COTL1: variants seen among roughly 807,000 people sequenced by gnomAD.
The protein encoded by COTL1 is coactosin like F-actin binding protein 1.
COTL1 carries 15 observed loss-of-function variants against 16.5 expected under a neutral mutation model. The observed-to-expected ratio is 0.91, with a 90% CI of 0.61 to 1.40. The LOEUF (loss-of-function observed/expected upper bound fraction) is 1.40. Among genes scored for constraint, COTL1 ranks in the 40% most tolerant of loss-of-function variants. The probability of loss-of-function intolerance (pLI) is 0.00; values close to 1 mark genes in which losing one functional copy is unlikely to be tolerated. For synonymous variants in COTL1, 112 were observed against 85.3 expected (o/e 1.31, Z -1.73); for missense variants, 220 against 201.5 (o/e 1.09, Z -0.56).
At chr16:84,586,028 C>A (rs2967854) in intron 3 of COTL1, among the ~76,000 whole-genome samples, 9,636 of 152,244 alleles carry the variant, frequency 0.063, 359 homozygotes, top group Middle Eastern at 0.099. Flanking sequence ...GCACGTGACC[C>A]AAGCTGGGCC....
Position 84,566,082 on chromosome 16 carries a change from C to T in COTL1, c.*763G>A, listed in dbSNP as rs1053705978. The T allele has an allele frequency of 6.5e-6, 1 of 152,726 alleles. No individual in the cohort carries two copies. 9.5% of individuals were successfully genotyped at this position (152,726 alleles called of 1,614,324 possible). A position where few individuals can be genotyped will look rare whatever the true frequency, so the allele number is the denominator to read the frequency against. ...GTCAACTCTGGGCTCAGACCTTTGC[C>T]CTTCTCTGTGTCACAAGGAAATTTC... On this transcript the variant is annotated 3_prime_UTR_variant, in exon 4 of 4. Coordinates refer to ENST00000262428, the MANE Select transcript of COTL1 (RefSeq NM_021149.5).
chr16:84,598,528 T>TA (rs2150691317), intron 2 of COTL1, among the ~76,000 whole-genome samples: 1 of 152,228 alleles, frequency 6.6e-6, no homozygotes, highest in Non-Finnish European at 1.5e-5. Flanking sequence ...TGGTGGCTGT[T>TA]ACATGCTCTT....
chr16:84,580,522 A>C (rs1197650019), intron 3 of COTL1, among the ~76,000 whole-genome samples: 1 of 152,188 alleles, frequency 6.6e-6, no homozygotes, highest in African/African-American at 2.4e-5. Context: ...AAGGGCTCTT[A>C]ACCTCTTTAG....
intron 3 of COTL1, among the ~76,000 whole-genome samples, chr16:84,586,746 G>T (rs1284317660): frequency 2.0e-5 from 3 of 151,996 alleles, no homozygotes; most frequent in Non-Finnish European, 4.4e-5. Flanking sequence ...CACCATGCCT[G>T]GCTACTTTTT....
Position 84,590,307 on chromosome 16 carries a change from C to T in COTL1, c.161-45G>A. 1.3e-6 allele frequency: 2 copies of T among 1,596,416 alleles called. No individual in the cohort carries two copies. The highest frequency in any genetic ancestry group is 2.2e-5 in the East Asian group (1 of 44,600). On this transcript the variant is annotated intron_variant, in intron 2 of 3. Transcript: ENST00000262428. This position sits in a 1 kb window ranked among gnomAD's most constrained non-coding sequence, Gnocchi z 5.5. ...GAGAACATGGTGCTGCGTTAAAACA[C>T]CCCCATGTCATGTCCCTGGGGAGAG...
chr16:84,586,509 A>C (rs980785803), intron 3 of COTL1, among the ~76,000 whole-genome samples: 7 of 152,242 alleles, frequency 4.6e-5, no homozygotes, highest in Admixed American at 3.3e-4. Flanking sequence ...GACAGCAGTG[A>C]TGGCTACACA....
intron 3 of COTL1, chr16:84,576,215 G>T (rs146470298): frequency 6.6e-6 from 1 of 152,248 alleles, no homozygotes; most frequent in Non-Finnish European, 1.5e-5. Flanking sequence ...GGCCTGTCGG[G>T]GTACAAGTGT....
In COTL1 at chr16:84,566,874, C is replaced by T. The variant is rs1395205779; in HGVS notation, c.400G>A (p.Gly134Arg). 4 of 1,613,718 alleles carry T rather than the reference C, an allele frequency of 2.5e-6. No homozygotes were observed. Among genetic ancestry groups the T allele is most frequent in the South Asian group, 1.1e-5 (1 of 91,070 alleles). The change falls in exon 4 of 4, where the codon GGA becomes AGA. Residue 134 changes from glycine to arginine, a missense_variant. Physicochemically the swap from Gly to Arg is moderately radical, Grantham distance 125. Transcript: ENST00000262428. The stretch of plus-strand genomic sequence containing the variant: ...TCCGTCTGGGCGTCGTAATTGGCTC[C>T]CCCCGCCTTCTTCAGCTCGCTCTTG... ...FIKSELKKAG[G>R]ANYDAQTE
At chr16:84,616,966 C>A (rs1905502517) in intron 2 of COTL1, among the ~76,000 whole-genome samples, 1 of 152,288 alleles carries the variant, frequency 6.6e-6, no homozygotes, top group African/African-American at 2.4e-5. Flanking sequence ...AGATTAGTTT[C>A]GCCTTGTCTA....
intron 3 of COTL1, among the ~76,000 whole-genome samples, chr16:84,569,833 C>A (rs2150679113): frequency 6.6e-6 from 1 of 152,322 alleles, no homozygotes; most frequent in South Asian, 2.1e-4. Context: ...GGGCAGAGAG[C>A]TTTCAGAAGG....
At chr16:84,617,692 C>T in intron 1 of COTL1, 109 bp from the exon 2 acceptor site, 1 of 1,388,870 alleles carries the variant, frequency 7.2e-7, no homozygotes. Context: ...CGGAGAAGCC[C>T]GCGGGGGCCT....
chr16:84,589,720 A>G (rs1904814658), intron 3 of COTL1, among the ~76,000 whole-genome samples: 2 of 152,122 alleles, frequency 1.3e-5, no homozygotes, highest in Non-Finnish European at 2.9e-5. Context: ...AGAGGGTACA[A>G]ATGAATTCTC....
intron 2 of COTL1, among the ~76,000 whole-genome samples, chr16:84,615,573 G>A (rs896318709): frequency 6.6e-6 from 1 of 152,202 alleles, no homozygotes; most frequent in African/African-American, 2.4e-5. Context: ...TTTAGGGAGG[G>A]AAGCTGGTCT....
chr16:84,593,073 A>G (rs1273182571), intron 2 of COTL1, among the ~76,000 whole-genome samples: 2 of 152,198 alleles, frequency 1.3e-5, no homozygotes, highest in Non-Finnish European at 2.9e-5. Flanking sequence ...CACTTTCATC[A>G]TCAACATCCA....
chr16:84,614,014 C>T (rs61187466), intron 2 of COTL1, among the ~76,000 whole-genome samples: 10 of 152,092 alleles, frequency 6.6e-5, no homozygotes, highest in South Asian at 4.2e-4. Flanking sequence ...AAACCTCCCC[C>T]CTCCCCGCAA....
intron 2 of COTL1, among the ~76,000 whole-genome samples, chr16:84,609,240 G>A (rs1905272108): frequency 6.6e-6 from 1 of 152,200 alleles, no homozygotes; most frequent in Non-Finnish European, 1.5e-5. Flanking sequence ...GACAGCAAGT[G>A]AATTTGACTC....
At chr16:84,581,167 A>ATGTATGTATGTATGTATGTATG (rs1904582376) in intron 3 of COTL1, among the ~76,000 whole-genome samples, 1 of 148,712 alleles carries the variant, frequency 6.7e-6, no homozygotes, top group African/African-American at 2.5e-5. Context: ...ACAAATAAAT[A>ATGTATGTATGTATGTATGTATG]TATGTATGTA....
rs1241303477 is a variant in COTL1 at position 84,607,089 on chromosome 16, G to A, written c.160+10412C>T. ...TGAAGGATGGGGATTCCCCGCCAAG[G>A]ATACCACCACCAAAGGGACAAAGTC... On this transcript the variant is annotated intron_variant, in intron 2 of 3. Coordinates refer to ENST00000262428, the MANE Select transcript of COTL1 (RefSeq NM_021149.5). Among the ~76,000 whole-genome samples the A allele has an allele frequency of 2.0e-5, 3 of 152,312 alleles. No homozygotes were observed. The East Asian group carries it at 5.8e-4, about 29-fold the overall frequency.
chr16:84,606,223 A>G (rs1305321034), intron 2 of COTL1, among the ~76,000 whole-genome samples: 2 of 152,226 alleles, frequency 1.3e-5, no homozygotes, highest in Non-Finnish European at 2.9e-5. Flanking sequence ...GAAGGTGGCG[A>G]TGCCTGGGCT....
Sources: allele counts gnomAD v4.1 joint callset (sites outside exome capture counted in the v4.1 genomes callset), GRCh38; gene constraint gnomAD v4.1.1; non-coding constraint Gnocchi (gnomAD v3.1); transcripts MANE v1.5; gene names NCBI Gene and HGNC (gene_info 2026-07-23, HGNC 2026-07-21).